Variants in SAMMSON observed in about 807,000 individuals in gnomAD.
SAMMSON encodes the protein survival associated mitochondrial melanoma specific oncogenic non-coding RNA, also known as long intergenic non-protein coding RNA 1212.
At chr3:70,034,400 T>G (rs1344605537) in intron 3 of SAMMSON, among the ~76,000 whole-genome samples, 2 of 152,188 alleles carry the variant, frequency 1.3e-5, no homozygotes. Flanking sequence ...CTTTGTGATT[T>G]TTGAACTTGT....
At chr3:70,352,791 C>A (rs963700074) in intron 7 of SAMMSON, among the ~76,000 whole-genome samples, 1 of 151,898 alleles carries the variant, frequency 6.6e-6, no homozygotes, top group African/African-American at 2.4e-5. Context: ...AGGAGGATAA[C>A]TAAGACAATT....
At chr3:70,207,929 A>G (rs1701307360) in intron 4 of SAMMSON, among the ~76,000 whole-genome samples, 1 of 152,024 alleles carries the variant, frequency 6.6e-6, no homozygotes, top group African/African-American at 2.4e-5. Context: ...CTCTGCAACA[A>G]GCGCTGGGCT....
intron 4 of SAMMSON, among the ~76,000 whole-genome samples, chr3:70,192,768 C>T (rs529757431): frequency 2.6e-5 from 4 of 152,280 alleles, no homozygotes; most frequent in African/African-American, 9.6e-5. Flanking sequence ...TTGGGACATG[C>T]TTGCTTGTTG....
chr3:70,170,709 C>G (rs1396688217), intron 4 of SAMMSON, among the ~76,000 whole-genome samples: 4 of 148,854 alleles, frequency 2.7e-5, no homozygotes. Flanking sequence ...TTTTTAAGAG[C>G]TAGATATGAA....
chr3:70,315,346 A>G lies in SAMMSON; in HGVS notation n.739+24103A>G, dbSNP rs556478313. Among the ~76,000 whole-genome samples, 34 of 152,240 alleles carry G rather than the reference A, an allele frequency of 2.2e-4. No individual in the cohort carries two copies. The South Asian group carries it at 5.8e-3, about 26-fold the overall frequency. ...TCTTAAGAGAGTATAGCATTCCTCA[A>G]ATTTTCTATATAGAATTTTCTTGCA... On this transcript the variant is annotated intron_variant and non_coding_transcript_variant, in intron 7 of 9. Coordinates refer to ENST00000642114, the Ensembl canonical transcript of SAMMSON.
At chr3:70,342,540 C>A (rs1357733872) in intron 7 of SAMMSON, among the ~76,000 whole-genome samples, 1 of 152,124 alleles carries the variant, frequency 6.6e-6, no homozygotes, top group African/African-American at 2.4e-5. Flanking sequence ...TTCTGAAGAA[C>A]TCAATTGCCA....
chr3:70,206,576 G>A, intron 4 of SAMMSON: 1 of 397,710 alleles, frequency 2.5e-6, no homozygotes, highest in East Asian at 3.6e-5. Context: ...TACCATCAGT[G>A]TCTCTGTGAT....
chr3:70,278,967 A>C (rs1052263318), intron 6 of SAMMSON, among the ~76,000 whole-genome samples: 1 of 151,682 alleles, frequency 6.6e-6, no homozygotes, highest in African/African-American at 2.4e-5. Context: ...CTGGGTGGTC[A>C]AGGAAAACAG....
intron 7 of SAMMSON, among the ~76,000 whole-genome samples, chr3:70,320,395 A>G (rs1702528262): frequency 6.6e-6 from 1 of 152,072 alleles, no homozygotes; most frequent in Admixed American, 6.6e-5. Flanking sequence ...AAGCTAGAAA[A>G]GACTGAGAGA....
chr3:70,071,526 C>T (rs1434198795), exon 4 of SAMMSON: 1 of 151,716 alleles, frequency 6.6e-6, no homozygotes, highest in Non-Finnish European at 1.5e-5. Context: ...GACATTATGA[C>T]TTAGAGATGT....
chr3:70,120,020 C>G (rs2067426196), intron 4 of SAMMSON: 2 of 152,120 alleles, frequency 1.3e-5, no homozygotes, highest in Admixed American at 1.3e-4. Flanking sequence ...AACCCCAGAA[C>G]TGTAGGATGG....
chr3:70,269,797 G>T (rs1214036645), intron 6 of SAMMSON, among the ~76,000 whole-genome samples: 1 of 152,044 alleles, frequency 6.6e-6, no homozygotes, highest in African/African-American at 2.4e-5. Context: ...GGACAAAGAA[G>T]AAATTTAAAC....
chr3:70,022,473 A>G (rs1054593311), intron 3 of SAMMSON, among the ~76,000 whole-genome samples: 1 of 150,370 alleles, frequency 6.7e-6, no homozygotes, highest in African/African-American at 2.4e-5. Context: ...TGATACTGCC[A>G]GTAGGGAAGA....
chr3:70,056,436 G>T (rs866970205), intron 3 of SAMMSON, among the ~76,000 whole-genome samples: 1 of 151,924 alleles, frequency 6.6e-6, no homozygotes, highest in Non-Finnish European at 1.5e-5. Context: ...TTCATCAACC[G>T]TTCGGCTACC....
At chr3:70,302,124 G>A (rs562660584) in intron 7 of SAMMSON, among the ~76,000 whole-genome samples, 1 of 152,126 alleles carries the variant, frequency 6.6e-6, no homozygotes, top group Non-Finnish European at 1.5e-5. Context: ...CAAAACTACT[G>A]TCATTGCCCT....
At chr3:70,211,306 CCTTTCCCTTCCCTTT>C in intron 4 of SAMMSON, among the ~76,000 whole-genome samples, 1 of 111,464 alleles carries the variant, frequency 9.0e-6, no homozygotes, top group African/African-American at 3.4e-5. Context: ...CTTCCCTTTG[CCTTTCCCTTCCCTTT>C]CCTTCCTTTC....
intron 3 of SAMMSON, among the ~76,000 whole-genome samples, chr3:70,033,208 T>G (rs1236893886): frequency 6.6e-6 from 1 of 152,314 alleles, no homozygotes; most frequent in African/African-American, 2.4e-5. Flanking sequence ...GCAGCTTTAC[T>G]TACTTTTCCT....
At chr3:70,187,638 G>A (rs1447884706) in intron 4 of SAMMSON, among the ~76,000 whole-genome samples, 1 of 151,282 alleles carries the variant, frequency 6.6e-6, no homozygotes, top group East Asian at 2.0e-4. Context: ...GGGTTTCACC[G>A]TGTTAGCCAG....
At chr3:70,000,024 T>C (rs2066899528) in intron 1 of SAMMSON, among the ~76,000 whole-genome samples, 1 of 152,192 alleles carries the variant, frequency 6.6e-6, no homozygotes, top group Non-Finnish European at 1.5e-5. Flanking sequence ...TGACCAATTT[T>C]TCCGGTACAC....
Sources: allele counts gnomAD v4.1 joint callset (sites outside exome capture counted in the v4.1 genomes callset), GRCh38; gene constraint gnomAD v4.1.1; transcripts MANE v1.5; gene names NCBI Gene and HGNC (gene_info 2026-07-23, HGNC 2026-07-21).